The following SHISA9 variants were observed in gnomAD, a reference collection of about 807,000 sequenced individuals.
SHISA9 encodes the protein protein shisa-9.
Under a neutral mutation model 38.0 loss-of-function variants are expected in SHISA9, and 13 were observed. The ratio of observed to expected loss-of-function variants is 0.34; its 90% confidence interval spans 0.22 to 0.54. The LOEUF is 0.54. Ranked by LOEUF, SHISA9 falls within the 20% of genes least tolerant of loss-of-function variation. SHISA9 has a pLI of 0.91. For synonymous variants in SHISA9, 275 were observed against 242.0 expected (o/e 1.14, Z -1.27); for missense variants, 538 against 575.8 (o/e 0.93, Z 0.67).
the SHISA9 span, among the ~76,000 whole-genome samples, chr16:13,476,757 T>TTC: frequency 2.3e-5 from 3 of 129,866 alleles, no homozygotes; most frequent in East Asian, 7.5e-4. Flanking sequence ...TTTTTTTTTT[T>TTC]TTTTTTTTTG....
At chr16:13,231,095 T>C (rs1363095606) in intron 4 of SHISA9, among the ~76,000 whole-genome samples, 4 of 152,228 alleles carry the variant, frequency 2.6e-5, no homozygotes, top group Non-Finnish European at 5.9e-5. Flanking sequence ...TCAACCTCAT[T>C]TTACCCAGCT....
intron 2 of SHISA9, among the ~76,000 whole-genome samples, chr16:13,153,307 G>A (rs1271083415): frequency 1.3e-5 from 2 of 152,154 alleles, no homozygotes; most frequent in African/African-American, 4.8e-5. Flanking sequence ...GCCTATAATA[G>A]AGTGTGCCTT....
At chr16:12,990,922 A>T (rs1567174603) in intron 2 of SHISA9, among the ~76,000 whole-genome samples, 1 of 152,238 alleles carries the variant, frequency 6.6e-6, no homozygotes, top group Non-Finnish European at 1.5e-5. Flanking sequence ...ACTAACTCAA[A>T]GATTATAACT....
At chr16:13,462,687 C>G in the SHISA9 span, among the ~76,000 whole-genome samples, 3 of 152,068 alleles carry the variant, frequency 2.0e-5, no homozygotes, top group African/African-American at 7.2e-5. Flanking sequence ...GTTGGGCAGG[C>G]ACAGTGGCTC....
At chr16:13,194,098 C>A (rs1339739964) in intron 2 of SHISA9, among the ~76,000 whole-genome samples, 1 of 152,062 alleles carries the variant, frequency 6.6e-6, no homozygotes, top group East Asian at 1.9e-4. Context: ...TTCTCACATC[C>A]CCCCAAGAAC....
intron 2 of SHISA9, among the ~76,000 whole-genome samples, chr16:12,976,601 T>C (rs923730181): frequency 1.3e-5 from 2 of 152,196 alleles, no homozygotes; most frequent in African/African-American, 4.8e-5. Context: ...ATATTCAGGC[T>C]GAAGGTACTT....
chr16:12,985,530 T>C (rs955333615), intron 2 of SHISA9, among the ~76,000 whole-genome samples: 3 of 152,260 alleles, frequency 2.0e-5, no homozygotes, highest in African/African-American at 7.2e-5. Flanking sequence ...CTTGTTACCA[T>C]TGGGCACTGA....
At chr16:13,136,396 CTTTT>C (rs35122409) in intron 2 of SHISA9, among the ~76,000 whole-genome samples, 3 of 68,090 alleles carry the variant, frequency 4.4e-5, no homozygotes, top group African/African-American at 1.3e-4. Flanking sequence ...CAGTTTCCTT[CTTTT>C]TTTTTTTTTT....
chr16:13,006,570 G>A (rs1323632757), intron 2 of SHISA9, among the ~76,000 whole-genome samples: 1 of 152,124 alleles, frequency 6.6e-6, no homozygotes, highest in Non-Finnish European at 1.5e-5. Context: ...GTTCATTATT[G>A]TATTGCCAGA....
chr16:13,369,524 T>C, the SHISA9 span, among the ~76,000 whole-genome samples: 9 of 152,034 alleles, frequency 5.9e-5, no homozygotes, highest in African/African-American at 2.2e-4. Context: ...AAAGTTTACT[T>C]TCTTGGGACC....
chr16:12,912,118 C>T (rs915742693), intron 1 of SHISA9, among the ~76,000 whole-genome samples: 4 of 151,888 alleles, frequency 2.6e-5, no homozygotes, highest in South Asian at 2.1e-4. Context: ...CATCAATACA[C>T]GTAAGACCAT....
intron 2 of SHISA9, among the ~76,000 whole-genome samples, chr16:13,064,442 T>A (rs908228111): frequency 6.6e-6 from 1 of 151,996 alleles, no homozygotes; most frequent in Non-Finnish European, 1.5e-5. Flanking sequence ...CTGCACATGT[T>A]CCCCTTGAGC....
At chr16:13,552,976 G>A in the SHISA9 span, among the ~76,000 whole-genome samples, 1 of 152,034 alleles carries the variant, frequency 6.6e-6, no homozygotes, top group Admixed American at 6.6e-5. Flanking sequence ...GTGGGGGCCT[G>A]TTCTGTGCAC....
chr16:13,180,019 C>G (rs153098), intron 2 of SHISA9, among the ~76,000 whole-genome samples: 2 of 151,906 alleles, frequency 1.3e-5, no homozygotes, highest in African/African-American at 4.8e-5. Context: ...TCTCCTGAGT[C>G]TGTGAGGCAA....
chr16:12,921,757 C>T (rs894700775), intron 2 of SHISA9, among the ~76,000 whole-genome samples: 2 of 152,078 alleles, frequency 1.3e-5, no homozygotes, highest in African/African-American at 4.8e-5. Context: ...CAGAATGAAA[C>T]TCTGTCTCTA....
the SHISA9 span, among the ~76,000 whole-genome samples, chr16:13,278,461 C>T: frequency 6.6e-6 from 1 of 152,114 alleles, no homozygotes; most frequent in Middle Eastern, 3.4e-3. Context: ...CCTTCTTTCT[C>T]TGTCTTGTGG....
the SHISA9 span, among the ~76,000 whole-genome samples, chr16:13,430,518 C>G: frequency 6.6e-6 from 1 of 152,114 alleles, no homozygotes; most frequent in Non-Finnish European, 1.5e-5. Flanking sequence ...CACCCTTACC[C>G]GGTGGGTTTT....
chr16:12,984,096 G>A (rs1251512525), intron 2 of SHISA9, among the ~76,000 whole-genome samples: 1 of 152,052 alleles, frequency 6.6e-6, no homozygotes, highest in Admixed American at 6.5e-5. Flanking sequence ...TGGCATACAT[G>A]TAATCCCAGG....
At chr16:13,092,592 T>C (rs956069439) in intron 2 of SHISA9, among the ~76,000 whole-genome samples, 2 of 152,226 alleles carry the variant, frequency 1.3e-5, no homozygotes, top group Non-Finnish European at 2.9e-5. Flanking sequence ...TGCGCTAGCA[T>C]TGAGCAAGGC....
Sources: gnomAD v4.1 joint callset for allele counts (sites outside exome capture counted in the v4.1 genomes callset) on GRCh38, gnomAD v4.1.1 for gene constraint, MANE v1.5 for transcripts, NCBI Gene and HGNC (gene_info 2026-07-23, HGNC 2026-07-21) for gene names.